The following CSF1 variants were observed in gnomAD, a reference collection of about 807,000 sequenced individuals.
The protein encoded by CSF1 is colony stimulating factor 1.
A neutral mutation model predicts 48.9 loss-of-function variants in CSF1; 9 were observed. That is an observed-to-expected ratio of 0.18 (90% CI 0.11 to 0.32). The LOEUF is 0.32. Among genes scored for constraint, CSF1 ranks in the 10% least tolerant of loss-of-function variants. The pLI is 1.00. For synonymous variants in CSF1, 305 were observed against 284.1 expected (o/e 1.07, Z -0.74); for missense variants, 672 against 697.9 (o/e 0.96, Z 0.42).
intron 1 of CSF1, among the ~76,000 whole-genome samples, chr1:109,911,285 T>C (rs988229560): frequency 3.3e-5 from 5 of 152,050 alleles, no homozygotes; most frequent in African/African-American, 1.2e-4. Context: ...CAGGCTTCCC[T>C]GGGAAACGGA....
intron 4 of CSF1, among the ~76,000 whole-genome samples, chr1:109,919,106 A>G (rs1433678718): frequency 6.6e-6 from 1 of 152,192 alleles, no homozygotes; most frequent in East Asian, 1.9e-4. Context: ...AACGTGTCAC[A>G]CATGCTGGAT....
At chr1:109,922,071 T>TG (rs1272983165) in intron 5 of CSF1, 77 bp downstream of exon 5, 1 of 1,499,518 alleles carries the variant, frequency 6.7e-7, no homozygotes, top group Non-Finnish European at 8.9e-7. Flanking sequence ...GATGTGAAGC[T>TG]GGGGGGACCC....
At chr1:109,915,545 C>A in intron 2 of CSF1, 89 bp from the exon 3 acceptor site, 1 of 1,128,466 alleles carries the variant, frequency 8.9e-7, no homozygotes, top group Non-Finnish European at 1.4e-6. Context: ...CCAATCCACT[C>A]AGAAGCTAAG....
intron 6 of CSF1, 80 bp from the exon 7 acceptor site, chr1:109,924,696 G>C (rs1647756395): frequency 3.2e-6 from 4 of 1,265,410 alleles, no homozygotes; most frequent in Non-Finnish European, 3.4e-6. Context: ...TAAATACCTG[G>C]GGCAGCCCTT....
chr1:109,924,894 C>T (rs372956054), intron 7 of CSF1, 66 bp downstream of exon 7: 129 of 1,495,314 alleles, frequency 8.6e-5, no homozygotes, highest in Non-Finnish European at 1.1e-4. Flanking sequence ...TTCCCCTCTT[C>T]GTGGTGGTGG....
At chr1:109,917,267 A>G in intron 3 of CSF1, 26 bp from the exon 4 acceptor site, 1 of 1,609,230 alleles carries the variant, frequency 6.2e-7, no homozygotes, top group Non-Finnish European at 8.5e-7. Context: ...TGGCCAGGCC[A>G]TAAGCTCCAG....
intron 3 of CSF1, among the ~76,000 whole-genome samples, chr1:109,916,093 G>A (rs1246563134): frequency 6.6e-6 from 1 of 152,134 alleles, no homozygotes; most frequent in African/African-American, 2.4e-5. Context: ...CACAAGCTTT[G>A]CTTAAGGATG....
At chr1:109,917,221 T>TC (rs1647260446) in intron 3 of CSF1, 72 bp from the exon 4 acceptor site, 6 of 1,522,856 alleles carry the variant, frequency 3.9e-6, no homozygotes, top group Admixed American at 1.9e-5. Context: ...GCTGCAACCC[T>TC]CCATCTGCCT....
rs1402533402 is a variant in CSF1, at chr1:109,930,867, C to T, written c.*2029C>T. On this transcript the variant is annotated 3_prime_UTR_variant, in exon 9 of 9. Coordinates refer to ENST00000329608, the MANE Select transcript of CSF1 (RefSeq NM_000757.6). Reference sequence around the variant, plus strand: ...GAAGTCAAGAGAGGACATTGGCTCACGCACTGTGAGATTTTGTTTTTATAC... The same window carrying T: ...GAAGTCAAGAGAGGACATTGGCTCATGCACTGTGAGATTTTGTTTTTATAC... 2.0e-5 allele frequency: 3 copies of T among 152,028 alleles called. No homozygotes were observed. Among genetic ancestry groups the T allele is most frequent in the Non-Finnish European group, 4.4e-5 (3 of 68,024 alleles). 9.4% of individuals were successfully genotyped at this position (152,028 alleles called of 1,614,324 possible).
chr1:109,923,114 G>A, intron 5 of CSF1, 52 bp from the exon 6 acceptor site: 1 of 1,478,654 alleles, frequency 6.8e-7, no homozygotes, highest in Non-Finnish European at 9.0e-7. Context: ...GGAGGCTAGT[G>A]ACTCTATCTC....
At chr1:109,916,291 G>A (rs1010367516) in intron 3 of CSF1, among the ~76,000 whole-genome samples, 2 of 152,044 alleles carry the variant, frequency 1.3e-5, no homozygotes, top group African/African-American at 2.4e-5. Flanking sequence ...CTCCTAACTG[G>A]TGTCTCCCTG....
upstream of CSF1, chr1:109,910,571 G>A (rs557847381): frequency 5.2e-5 from 15 of 290,198 alleles, no homozygotes; most frequent in Admixed American, 2.7e-4. Flanking sequence ...GGCAGGGTGG[G>A]GACGCGGTGG....
intron 5 of CSF1, 117 bp downstream of exon 5, chr1:109,922,111 T>G: frequency 3.3e-6 from 4 of 1,220,356 alleles, no homozygotes; most frequent in Non-Finnish European, 4.6e-6. Flanking sequence ...GCTACTCGTG[T>G]TCCCGTGTGC....
At chr1:109,928,233 GC>G (rs1171942055) in intron 8 of CSF1, among the ~76,000 whole-genome samples, 1 of 152,212 alleles carries the variant, frequency 6.6e-6, no homozygotes, top group Non-Finnish European at 1.5e-5. Flanking sequence ...GGGAGGCAAG[GC>G]CCTCGGCCCA....
chr1:109,921,708 A>G, intron 4 of CSF1, 139 bp from the exon 5 acceptor site: 1 of 1,097,582 alleles, frequency 9.1e-7, no homozygotes, highest in Non-Finnish European at 1.3e-6. Context: ...ATTCTGCTGC[A>G]AACCAGGGGA....
At chr1:109,918,875 A>G (rs766288562) in intron 4 of CSF1, among the ~76,000 whole-genome samples, 13 of 152,072 alleles carry the variant, frequency 8.5e-5, no homozygotes, top group Non-Finnish European at 1.5e-4. Flanking sequence ...GGGACTGGAC[A>G]GCACTGCCAC....
chr1:109,910,554 C>A, upstream of CSF1: 1 of 315,212 alleles, frequency 3.2e-6, no homozygotes, highest in South Asian at 2.2e-5. Flanking sequence ...GCAGAGGGCG[C>A]GGGGAAGGCA....
At chr1:109,915,598 G>GTAA (rs1654865926) in intron 2 of CSF1, 36 bp from the exon 3 acceptor site, 1 of 1,581,632 alleles carries the variant, frequency 6.3e-7, no homozygotes, top group Non-Finnish European at 8.7e-7. Context: ...TGAGCTGTAG[G>GTAA]TTACCCTGCA....
rs577922679 is a variant in CSF1 at position 109,930,828 on chromosome 1, C to G, written c.*1990C>G. On this transcript the variant is annotated 3_prime_UTR_variant, in exon 9 of 9. Transcript: ENST00000329608. ...CCCCAGGCTACCTGCTCAGGAACCCCTTCTGTTCTCTGAGAAGTCAAGAGA... is the reference window on the plus strand; with the variant it reads ...CCCCAGGCTACCTGCTCAGGAACCCGTTCTGTTCTCTGAGAAGTCAAGAGA... 2 of 152,286 alleles carry G rather than the reference C, an allele frequency of 1.3e-5. No individual in the cohort carries two copies. Among genetic ancestry groups the G allele is most frequent in the East Asian group, 3.9e-4 (2 of 5,180 alleles). 9.4% of individuals were successfully genotyped at this position (152,286 alleles called of 1,614,324 possible).
Sources: allele counts gnomAD v4.1 joint callset (sites outside exome capture counted in the v4.1 genomes callset), GRCh38; gene constraint gnomAD v4.1.1; transcripts MANE v1.5; gene names NCBI Gene and HGNC (gene_info 2026-07-23, HGNC 2026-07-21).